Variants in CHRM3 observed in about 807,000 individuals in gnomAD.
CHRM3 encodes the protein cholinergic receptor muscarinic 3.
Under a neutral mutation model 41.8 loss-of-function variants are expected in CHRM3, and 11 were observed. The ratio of observed to expected loss-of-function variants is 0.26; its 90% CI spans 0.17 to 0.44. The LOEUF is 0.44. CHRM3 is among the 20% of genes least tolerant of loss of function. The probability of loss-of-function intolerance (pLI) is 1.00; values close to 1 mark genes in which losing one functional copy is unlikely to be tolerated. For missense variants in CHRM3, 571 were observed against 745.4 expected (o/e 0.77, Z 2.72); for synonymous variants, 297 against 301.4 (o/e 0.99, Z 0.15).
chr1:239,619,315 G>A (rs1480122129), intron 3 of CHRM3, among the ~76,000 whole-genome samples: 6 of 152,294 alleles, frequency 3.9e-5, no homozygotes, highest in Admixed American at 2.0e-4. Context: ...AAGGCCCTGA[G>A]TCTGGACTGC....
At chr1:239,715,052 G>A (rs184096911) in intron 5 of CHRM3, among the ~76,000 whole-genome samples, 2 of 152,140 alleles carry the variant, frequency 1.3e-5, no homozygotes, top group Non-Finnish European at 2.9e-5. Context: ...CCTGAAGCCA[G>A]AGAAAGAGTG....
intron 5 of CHRM3, among the ~76,000 whole-genome samples, chr1:239,813,506 C>G (rs1482847146): frequency 6.6e-6 from 1 of 152,094 alleles, no homozygotes; most frequent in Non-Finnish European, 1.5e-5. Context: ...TTAATTTTTG[C>G]AAACATTCAT....
rs1658587968 is a variant in CHRM3, at chr1:239,387,250, AGGC to A, written c.-521+25_-521+27del. ...CAGGTAGGGACGGCGCCCGCCACCC[AGGC>A]GCTGGGCAGAGCGGGTGGCGGTAGC... On this transcript the variant is annotated intron_variant, in intron 1 of 6. Coordinates refer to ENST00000676153, the MANE Select transcript of CHRM3 (RefSeq NM_001375978.1). This position sits in a 1 kb window ranked among gnomAD's most constrained non-coding sequence, Gnocchi z 5.1. 6.6e-6 allele frequency: 1 copy of A among 151,600 alleles called. No homozygotes were observed. The highest frequency in any genetic ancestry group is 2.1e-4 in the South Asian group (1 of 4,788). The allele number at this position is 151,600 out of a possible 1,614,324, so 9.4% of individuals were successfully genotyped here. A position where few individuals can be genotyped will look rare whatever the true frequency, so the allele number is the denominator to read the frequency against.
intron 1 of CHRM3, among the ~76,000 whole-genome samples, chr1:239,436,711 A>G (rs181431449): frequency 7.2e-5 from 11 of 152,032 alleles, no homozygotes; most frequent in Admixed American, 2.6e-4. Flanking sequence ...CTTCCCTCAA[A>G]TGCATTAGAT....
At chr1:239,638,332 C>G (rs1035454032) in intron 4 of CHRM3, among the ~76,000 whole-genome samples, 1 of 151,882 alleles carries the variant, frequency 6.6e-6, no homozygotes, top group Non-Finnish European at 1.5e-5. Context: ...CCTGAGGAAT[C>G]GCCACACTGA....
At chr1:239,476,482 T>C (rs1355169654) in intron 1 of CHRM3, among the ~76,000 whole-genome samples, 1 of 136,666 alleles carries the variant, frequency 7.3e-6, no homozygotes, top group African/African-American at 2.6e-5. Context: ...AAAAAAAAAA[T>C]TGCTGGTTTC....
intron 2 of CHRM3, among the ~76,000 whole-genome samples, chr1:239,500,356 T>C (rs1200200354): frequency 6.6e-6 from 1 of 150,744 alleles, no homozygotes; most frequent in African/African-American, 2.4e-5. Flanking sequence ...CTCAGCAAAC[T>C]ACCGCAAGGA....
intron 1 of CHRM3, among the ~76,000 whole-genome samples, chr1:239,445,533 G>A (rs1181420386): frequency 1.3e-5 from 2 of 152,148 alleles, no homozygotes; most frequent in Non-Finnish European, 2.9e-5. Flanking sequence ...CTAAGATGTG[G>A]TGTGGAGGTA....
At chr1:239,662,945 C>CTTCTTCTT (rs1673405024) in intron 4 of CHRM3, among the ~76,000 whole-genome samples, 1 of 95,370 alleles carries the variant, frequency 1.0e-5, no homozygotes, top group Non-Finnish European at 2.1e-5. Flanking sequence ...TCTTCTTCTT[C>CTTCTTCTT]CTTCTCCTTT....
In CHRM3 at chr1:239,623,123, T is replaced by A. The variant is rs997835195; in HGVS notation, c.-312-9101T>A. Among the ~76,000 whole-genome samples, 6 of 152,326 alleles carry A rather than the reference T, an allele frequency of 3.9e-5. No homozygotes were observed. In the East Asian group the frequency reaches 9.7e-4, roughly 25 times the overall value. The stretch of plus-strand genomic sequence containing the variant: ...GTATTTTCTAGCAATAAAGGTTTTT[T>A]TTTATTATACTTTAAGTTTTAGGGT... On this transcript the variant is annotated intron_variant, in intron 3 of 6. Coordinates refer to ENST00000676153, the MANE Select transcript of CHRM3 (RefSeq NM_001375978.1).
intron 2 of CHRM3, among the ~76,000 whole-genome samples, chr1:239,515,907 G>A (rs1558281872): frequency 6.6e-6 from 1 of 152,218 alleles, no homozygotes; most frequent in Non-Finnish European, 1.5e-5. Flanking sequence ...TTAGGAGCAT[G>A]AGCTATGAAA....
At chr1:239,761,336 A>G (rs1233343310) in intron 5 of CHRM3, among the ~76,000 whole-genome samples, 1 of 152,150 alleles carries the variant, frequency 6.6e-6, no homozygotes, top group Non-Finnish European at 1.5e-5. Flanking sequence ...TAATGCCCTC[A>G]TCTACAAATG....
At chr1:239,394,630 G>A (rs1183576400) in intron 1 of CHRM3, among the ~76,000 whole-genome samples, 1 of 152,126 alleles carries the variant, frequency 6.6e-6, no homozygotes, top group African/African-American at 2.4e-5. Context: ...GTTAAACTGT[G>A]CAGTCTGTAT....
chr1:239,412,688 C>G (rs377612992), intron 1 of CHRM3, among the ~76,000 whole-genome samples: 2 of 151,766 alleles, frequency 1.3e-5, no homozygotes, highest in African/African-American at 4.8e-5. Context: ...TATCTTGTCT[C>G]GTAGGAATGG....
At chr1:239,390,589 G>T (rs929815751) in intron 1 of CHRM3, among the ~76,000 whole-genome samples, 13 of 150,292 alleles carry the variant, frequency 8.6e-5, no homozygotes, top group Middle Eastern at 3.5e-3. Flanking sequence ...GGTATGAAAG[G>T]CTTCCCTCAC....
At chr1:239,560,092 A>G (rs1660719019) in intron 3 of CHRM3, among the ~76,000 whole-genome samples, 1 of 152,226 alleles carries the variant, frequency 6.6e-6, no homozygotes, top group South Asian at 2.1e-4. Context: ...ATATGTGTGT[A>G]AAACACAGGA....
intron 3 of CHRM3, among the ~76,000 whole-genome samples, chr1:239,609,578 T>C (rs1666755567): frequency 2.6e-5 from 4 of 152,238 alleles, no homozygotes. Flanking sequence ...AAACTCTTTT[T>C]TCAAAACGGT....
intron 6 of CHRM3, among the ~76,000 whole-genome samples, chr1:239,906,689 G>A (rs953813638): frequency 1.6e-4 from 25 of 152,286 alleles, no homozygotes; most frequent in Non-Finnish European, 2.4e-4. Flanking sequence ...TGTGTGACAC[G>A]CTAAAATACA....
chr1:239,813,848 C>T (rs1029376587), intron 5 of CHRM3, among the ~76,000 whole-genome samples: 4 of 131,696 alleles, frequency 3.0e-5, no homozygotes, highest in Non-Finnish European at 4.6e-5. Context: ...ACCCGGGAGG[C>T]GGAGCTTGCA....
Sources: gnomAD v4.1 joint callset for allele counts (sites outside exome capture counted in the v4.1 genomes callset) on GRCh38, gnomAD v4.1.1 for gene constraint, Gnocchi (gnomAD v3.1) non-coding constraint, MANE v1.5 for transcripts, NCBI Gene and HGNC (gene_info 2026-07-23, HGNC 2026-07-21) for gene names.